SNRPN: variants seen among roughly 807,000 people sequenced by gnomAD.
SNRPN encodes small nuclear ribonucleoprotein polypeptide N.
SNRPN carries 7 observed loss-of-function variants against 25.2 expected under a neutral mutation model. That is an observed-to-expected ratio of 0.28 (90% CI 0.16 to 0.52). The LOEUF (loss-of-function observed/expected upper bound fraction) is 0.52, where lower values mean the gene tolerates loss of function less well. Among genes scored for constraint, SNRPN ranks in the 20% least tolerant of loss-of-function variants. The probability of loss-of-function intolerance (pLI) is 0.96; values close to 1 mark genes in which losing one functional copy is unlikely to be tolerated. For synonymous variants in SNRPN, 124 were observed against 110.6 expected, an observed-to-expected ratio of 1.12 and a Z score of -0.76; for missense variants, 196 against 322.5, an observed-to-expected ratio of 0.61 and a Z score of 3.00.
intron 8 of SNRPN, 59 bp from the exon 9 acceptor site, chr15:24,978,134 A>C: frequency 6.4e-7 from 1 of 1,564,538 alleles, no homozygotes; most frequent in Non-Finnish European, 8.7e-7. Flanking sequence ...ATTTGGGCTA[A>C]ATTCTAACTT....
chr15:24,882,738 C>T (rs1265750546), intron 1 of SNRPN, among the ~76,000 whole-genome samples: 3 of 151,530 alleles, frequency 2.0e-5, no homozygotes, highest in African/African-American at 7.3e-5. Flanking sequence ...GGAGAAGAAT[C>T]GCTTGAACCC....
chr15:24,858,238 G>A lies in SNRPN; in HGVS notation c.-579+1522G>A, dbSNP rs1002643331. 5.7e-4 allele frequency among the ~76,000 whole-genome samples: 86 copies of A among 152,038 alleles called. 1 individual carries two copies. The highest frequency in any genetic ancestry group is 8.8e-5 in the Non-Finnish European group (6 of 68,012). ...ATGGAGGGGGGTTGTTTTGGGAAAG[G>A]GCTGTTACTGTCTTCATTTAAAAGC... On this transcript the variant is annotated intron_variant, in intron 1 of 11. Transcript: ENST00000400097.
At chr15:24,854,271 G>C (rs2053172666), upstream of SNRPN, among the ~76,000 whole-genome samples, 1 of 152,134 alleles carries the variant, frequency 6.6e-6, no homozygotes, top group Non-Finnish European at 1.5e-5. Context: ...TCCACTAACT[G>C]TAGGGGACAA....
chr15:24,881,949 A>G (rs924132199), intron 1 of SNRPN, among the ~76,000 whole-genome samples: 1 of 152,112 alleles, frequency 6.6e-6, no homozygotes, highest in Admixed American at 6.5e-5. Flanking sequence ...TATCCTTCCT[A>G]TCTGAAGTGG....
At chr15:24,965,871 A>AT (rs5811370) in intron 2 of SNRPN, among the ~76,000 whole-genome samples, 41 of 151,334 alleles carry the variant, frequency 2.7e-4, no homozygotes, top group South Asian at 1.3e-3. Context: ...CATTATATAT[A>AT]TTTTTTTTTA....
At chr15:24,831,011 G>A (rs1341176776) in intron 2 of SNRPN, among the ~76,000 whole-genome samples, 6 of 151,974 alleles carry the variant, frequency 3.9e-5, no homozygotes, top group African/African-American at 1.5e-4. Flanking sequence ...GTCTATTTCT[G>A]ATAGAGGAGT....
At chr15:24,833,354 A>G (rs2050731023) in intron 2 of SNRPN, among the ~76,000 whole-genome samples, 1 of 151,998 alleles carries the variant, frequency 6.6e-6, no homozygotes, top group South Asian at 2.1e-4. Context: ...CTTTGGAGAC[A>G]GAAAATTTTT....
chr15:24,973,104 G>GT (rs1275570983), intron 3 of SNRPN, among the ~76,000 whole-genome samples: 1 of 152,108 alleles, frequency 6.6e-6, no homozygotes, highest in African/African-American at 2.4e-5. Context: ...GGCCAGGCTG[G>GT]TCTTGAATTC....
chr15:24,845,857 G>A (rs1450794213), intron 2 of SNRPN, among the ~76,000 whole-genome samples: 1 of 152,008 alleles, frequency 6.6e-6, no homozygotes, highest in East Asian at 1.9e-4. Flanking sequence ...GGCTGAGGTG[G>A]GTGGATCACG....
intron 3 of SNRPN, among the ~76,000 whole-genome samples, chr15:24,940,408 C>T (rs1366382604): frequency 1.3e-5 from 2 of 152,150 alleles, no homozygotes; most frequent in Non-Finnish European, 1.5e-5. Flanking sequence ...GGTCCAACTT[C>T]ATTCTTTTGC....
chr15:24,955,288 C>T (rs1166086771), intron 1 of SNRPN, among the ~76,000 whole-genome samples: 4 of 151,982 alleles, frequency 2.6e-5, no homozygotes, highest in African/African-American at 9.7e-5. Context: ...CCCCCATCCG[C>T]CCCCAACTGT....
At chr15:24,950,767 C>T (rs1423921922), upstream of SNRPN, among the ~76,000 whole-genome samples, 3 of 151,480 alleles carry the variant, frequency 2.0e-5, no homozygotes, top group Non-Finnish European at 4.4e-5. Flanking sequence ...AGGCTGGTCT[C>T]GAACTCCTGG....
At chr15:24,962,864 A>T (rs1230272662) in intron 2 of SNRPN, among the ~76,000 whole-genome samples, 1 of 152,192 alleles carries the variant, frequency 6.6e-6, no homozygotes, top group South Asian at 2.1e-4. Flanking sequence ...ATGCCATTAA[A>T]ATTTTGATCA....
At chr15:24,901,477 G>C (rs1399352178) in intron 2 of SNRPN, among the ~76,000 whole-genome samples, 2 of 152,200 alleles carry the variant, frequency 1.3e-5, no homozygotes, top group Non-Finnish European at 2.9e-5. Flanking sequence ...CACAGTTGCA[G>C]AGTGATACCA....
chr15:24,918,919 CAT>C (rs1464714502), intron 2 of SNRPN, among the ~76,000 whole-genome samples: 1 of 48,014 alleles, frequency 2.1e-5, no homozygotes, highest in East Asian at 5.6e-4. Context: ...ATATATATAA[CAT>C]AATATATATA....
chr15:24,929,586 C>G lies in SNRPN; in HGVS notation c.-391+9462C>G, dbSNP rs1168815865. ...CCCTCATGAGGGTGGCAGACTGTCT[C>G]CTTGAGTTCTGGGTGGCAGAAATGG... On this transcript the variant is annotated intron_variant, in intron 3 of 11. Transcript: ENST00000400097. The surrounding 1 kb of genome is among the most constrained non-coding windows in gnomAD (Gnocchi z 5.3). Among the ~76,000 whole-genome samples, 1 of 152,038 alleles carries G rather than the reference C, an allele frequency of 6.6e-6. No homozygotes were observed. The highest frequency in any genetic ancestry group is 1.5e-5 in the Non-Finnish European group (1 of 68,026).
At chr15:24,827,633 T>TTGAGG (rs1444133184) in intron 1 of SNRPN, among the ~76,000 whole-genome samples, 1 of 150,330 alleles carries the variant, frequency 6.7e-6, no homozygotes, top group Non-Finnish European at 1.5e-5. Context: ...CTTTGGGAGG[T>TTGAGG]TGAGGCAGGA....
At chr15:24,874,538 C>T (rs2055655381) in intron 1 of SNRPN, among the ~76,000 whole-genome samples, 2 of 152,042 alleles carry the variant, frequency 1.3e-5, no homozygotes, top group African/African-American at 4.8e-5. Context: ...TGTTAGAGTG[C>T]ACCTTTTAAC....
chr15:24,945,779 C>A (rs1353463972), intron 3 of SNRPN, among the ~76,000 whole-genome samples: 1 of 152,124 alleles, frequency 6.6e-6, no homozygotes, highest in African/African-American at 2.4e-5. Context: ...AAGAAGGTTG[C>A]TATTAGTCTA....
Sources: gnomAD v4.1 joint callset for allele counts (sites outside exome capture counted in the v4.1 genomes callset) on GRCh38, gnomAD v4.1.1 for gene constraint, Gnocchi (gnomAD v3.1) non-coding constraint, MANE v1.5 for transcripts, NCBI Gene and HGNC (gene_info 2026-07-23, HGNC 2026-07-21) for gene names.